The following TNN variants were observed in gnomAD, a reference collection of about 807,000 sequenced individuals.
The protein encoded by TNN is tenascin N.
In TNN, 122 loss-of-function variants were observed where a neutral mutation model predicts 134.4. That is an observed-to-expected ratio of 0.91 (90% CI 0.78 to 1.06). TNN has a LOEUF of 1.06. Among genes scored for constraint, TNN ranks in the 50% least tolerant of loss-of-function variants. The probability of loss-of-function intolerance (pLI) is 0.00; values close to 1 mark genes in which losing one functional copy is unlikely to be tolerated. For missense variants in TNN, 1,739 were observed against 1,699.4 expected (o/e 1.02, Z -0.41); for synonymous variants, 710 against 670.3 (o/e 1.06, Z -0.91).
At chr1:175,100,072 G>C (rs1674680630) in intron 9 of TNN, among the ~76,000 whole-genome samples, 1 of 152,140 alleles carries the variant, frequency 6.6e-6, no homozygotes, top group African/African-American at 2.4e-5. Flanking sequence ...CAATGCTACA[G>C]CCTGTCTTTG....
chr1:175,120,762 A>G (rs193001017), intron 11 of TNN, among the ~76,000 whole-genome samples: 22 of 152,250 alleles, frequency 1.4e-4, no homozygotes, highest in African/African-American at 5.1e-4. Context: ...TGACCAACAC[A>G]GCAGCTGCTA....
intron 17 of TNN, among the ~76,000 whole-genome samples, chr1:175,141,962 A>T (rs920275812): frequency 6.6e-6 from 1 of 152,216 alleles, no homozygotes; most frequent in African/African-American, 2.4e-5. Context: ...CCAGGTTTAG[A>T]TCATCACAAA....
At chr1:175,122,130 C>T (rs1317928132) in intron 11 of TNN, among the ~76,000 whole-genome samples, 2 of 151,808 alleles carry the variant, frequency 1.3e-5, no homozygotes, top group African/African-American at 4.8e-5. Context: ...GTGACTCTCA[C>T]CTGTAATCCC....
At chr1:175,134,888 G>A (rs755836459) in intron 15 of TNN, among the ~76,000 whole-genome samples, 18 of 152,152 alleles carry the variant, frequency 1.2e-4, no homozygotes, top group Non-Finnish European at 1.9e-4. Context: ...AGCTAGAGAC[G>A]AATCTGATTG....
chr1:175,116,261 G>T (rs1251105400), intron 9 of TNN, among the ~76,000 whole-genome samples: 1 of 151,876 alleles, frequency 6.6e-6, no homozygotes, highest in African/African-American at 2.4e-5. Flanking sequence ...AGGTAGGTTT[G>T]CCCTTAATTA....
At chr1:175,105,784 CTGAG>C (rs1558359576) in intron 9 of TNN, among the ~76,000 whole-genome samples, 4 of 145,136 alleles carry the variant, frequency 2.8e-5, no homozygotes, top group African/African-American at 2.5e-5. Flanking sequence ...CTGTTGATGC[CTGAG>C]TGTTTCCCAT....
intron 12 of TNN, among the ~76,000 whole-genome samples, chr1:175,125,799 T>G: frequency 6.9e-6 from 1 of 144,998 alleles, no homozygotes. Flanking sequence ...CTCTCTCTCC[T>G]TCCTTCCTTC....
intron 5 of TNN, among the ~76,000 whole-genome samples, chr1:175,085,061 G>A (rs549523646): frequency 5.9e-4 from 90 of 152,304 alleles, no homozygotes; most frequent in Admixed American, 1.9e-3. Flanking sequence ...GGAAGGAAAA[G>A]GGTTGCTGGG....
rs554933952 is a variant in TNN, at chr1:175,119,780, G to A, written c.2650+956G>A. 7.9e-5 allele frequency among the ~76,000 whole-genome samples: 12 copies of A among 151,748 alleles called. No individual in the cohort carries two copies. The South Asian group carries it at 1.0e-3, about 13-fold the overall frequency. On this transcript the variant is annotated intron_variant, in intron 11 of 18. Coordinates refer to ENST00000239462, the MANE Select transcript of TNN (RefSeq NM_022093.2). Reference sequence around the variant, plus strand: ...CTCCCAAGTAGCTGGGATTACAAGCGCCCGCCACCATGCCCGGCTAATTTT... The same window carrying A: ...CTCCCAAGTAGCTGGGATTACAAGCACCCGCCACCATGCCCGGCTAATTTT...
At chr1:175,112,545 G>A (rs1675055715) in intron 9 of TNN, among the ~76,000 whole-genome samples, 1 of 129,996 alleles carries the variant, frequency 7.7e-6, no homozygotes, top group African/African-American at 2.9e-5. Context: ...GAAGATTCTT[G>A]TAGGTAGCAC....
rs1393915700 is a variant in TNN at position 175,118,559 on chromosome 1, A to G, written c.2387-2A>G. On this transcript the variant is annotated splice_acceptor_variant, in intron 10 of 18. Coordinates refer to ENST00000239462, the MANE Select transcript of TNN (RefSeq NM_022093.2). LOFTEE classifies it high-confidence loss of function. ...CATATTGGTCAGCATTTTTTTTTTCAGACATTGACAGCCCCCAAAACCTGG... is the reference window on the plus strand; with the variant it reads ...CATATTGGTCAGCATTTTTTTTTTCGGACATTGACAGCCCCCAAAACCTGG... 6.2e-7 allele frequency: 1 copy of G among 1,607,072 alleles called. No individual in the cohort carries two copies. The highest frequency in any genetic ancestry group is 1.1e-5 in the South Asian group (1 of 90,162).
intron 11 of TNN, among the ~76,000 whole-genome samples, chr1:175,121,922 C>T (rs1236552976): frequency 2.0e-5 from 3 of 152,164 alleles, no homozygotes; most frequent in African/African-American, 7.2e-5. Flanking sequence ...TTATTGATTA[C>T]ATAAATATTT....
intron 17 of TNN, among the ~76,000 whole-genome samples, chr1:175,142,027 T>C (rs1041273482): frequency 6.6e-6 from 1 of 152,202 alleles, no homozygotes; most frequent in African/African-American, 2.4e-5. Flanking sequence ...CTGGGAACCT[T>C]CTATGTAAAT....
At chr1:175,093,830 A>C (rs1412442755) in intron 6 of TNN, among the ~76,000 whole-genome samples, 160 bp from the exon 7 acceptor site, 1 of 152,194 alleles carries the variant, frequency 6.6e-6, no homozygotes, top group Admixed American at 6.5e-5. Flanking sequence ...GGGTTCAAGC[A>C]GAAGCCAGTT....
chr1:175,109,181 C>T (rs1180383219), intron 9 of TNN, among the ~76,000 whole-genome samples: 14 of 142,120 alleles, frequency 9.9e-5, no homozygotes, highest in African/African-American at 2.7e-4. Flanking sequence ...CTCCGCTTCC[C>T]GGGTTCACGC....
In TNN at chr1:175,118,569, A is replaced by G; in HGVS notation, c.2395A>G (p.Ser799Gly). The G allele has an allele frequency of 6.2e-7, 1 of 1,613,330 alleles. No homozygotes were observed. The highest frequency in any genetic ancestry group is 8.5e-7 in the Non-Finnish European group (1 of 1,179,756). The part of the protein sequence containing the change: ...ADTKAQTDID[S>G]PQNLVTDWVT... ...AGCATTTTTTTTTTCAGACATTGAC[A>G]GCCCCCAAAACCTGGTCACTGACTG... The change falls in exon 11 of 19, where the codon AGC (serine) becomes GGC (glycine). Residue 799 changes from serine to glycine, a missense_variant. Physicochemically the swap from Ser to Gly is moderately conservative, Grantham distance 56 (BLOSUM62 0). Transcript: ENST00000239462.
Position 175,136,951 on chromosome 1 carries a change from G to C in TNN, c.3558G>C (p.Arg1186=), listed in dbSNP as rs1272409698. The C allele has an allele frequency of 1.9e-6, 3 of 1,614,146 alleles. No individual in the cohort carries two copies. The highest frequency in any genetic ancestry group is 1.7e-6 in the Non-Finnish European group (2 of 1,180,002). Residue 1186 remains arginine (R), a synonymous_variant, in exon 17 of 19, where the codon CGG becomes CGC. Coordinates refer to ENST00000239462, the MANE Select transcript of TNN (RefSeq NM_022093.2). The part of the protein sequence containing the change: ...DFFQVASSKE[R]YKLTVGKYRG... ...TCCAAGTGGCCTCCAGCAAGGAGCG[G>C]TATAAGCTGACAGTTGGGAAATACA... is the stretch of plus-strand genomic sequence containing the variant.
At chr1:175,097,819 C>T (rs543064050) in intron 8 of TNN, 136 bp downstream of exon 8, 251 of 1,254,008 alleles carry the variant, frequency 2.0e-4, no homozygotes, top group South Asian at 4.0e-4. Context: ...ACTGAGCTCT[C>T]GTGGTGATGG....
chr1:175,104,093 C>G lies in TNN; in HGVS notation c.2119+5498C>G, dbSNP rs746521669. Among the ~76,000 whole-genome samples the G allele has an allele frequency of 2.1e-5, 3 of 145,820 alleles. 1 individual carries two copies. Among genetic ancestry groups the G allele is most frequent in the Non-Finnish European group, 4.6e-5 (3 of 65,800 alleles). On this transcript the variant is annotated intron_variant, in intron 9 of 18. Transcript: ENST00000239462. ...GGGACTTTCAGACATAACAAGAAAG[C>G]CATGTGAAAAGAGCAAAGTCTCCCA...
Sources: allele counts gnomAD v4.1 joint callset (sites outside exome capture counted in the v4.1 genomes callset), GRCh38; gene constraint gnomAD v4.1.1; transcripts MANE v1.5; gene names NCBI Gene and HGNC (gene_info 2026-07-23, HGNC 2026-07-21).